The following PDE3A variants were observed in gnomAD, a reference collection of about 807,000 sequenced individuals.
PDE3A encodes the protein cGMP-inhibited 3',5'-cyclic phosphodiesterase 3A.
PDE3A carries 43 observed loss-of-function variants against 98.3 expected under a neutral mutation model. That is an observed-to-expected ratio of 0.44 (90% CI 0.34 to 0.56). The LOEUF (loss-of-function observed/expected upper bound fraction) is 0.56. PDE3A is among the 20% of genes least tolerant of loss of function. PDE3A has a pLI of 0.01. For synonymous variants in PDE3A, 663 were observed against 567.9 expected (o/e 1.17, Z -2.38); for missense variants, 1,427 against 1,440.7 (o/e 0.99, Z 0.15).
rs1487135588 is a variant in PDE3A, at chr12:20,392,545, AAATAAAT to A, written c.960+22304_960+22310del. Among the ~76,000 whole-genome samples the A allele has an allele frequency of 8.4e-4, 117 of 139,884 alleles. 1 individual carries two copies. The highest frequency in any genetic ancestry group is 2.8e-3 in the African/African-American group (107 of 38,696). 91.8% of individuals were successfully genotyped at this position (139,884 alleles called of 152,430 possible). On this transcript the variant is annotated intron_variant, in intron 1 of 15. Transcript: ENST00000359062. ...TAAATAAATAAATACATAAATAAATAAATAAATAAATAAAATCTAGCTGGACATTATG... is the reference window on the plus strand; with the variant it reads ...TAAATAAATAAATACATAAATAAATAAAATAAAATCTAGCTGGACATTATG...
At chr12:20,606,851 C>CAAAAA in intron 2 of PDE3A, among the ~76,000 whole-genome samples, 1 of 74,670 alleles carries the variant, frequency 1.3e-5, no homozygotes, top group South Asian at 4.5e-4. Context: ...AGCTCCATCT[C>CAAAAA]AAAAAAAAAA....
In PDE3A at chr12:20,439,765, T is replaced by C. The variant is rs140646438; in HGVS notation, c.960+69521T>C. On this transcript the variant is annotated intron_variant, in intron 1 of 15. Transcript: ENST00000359062. ...TCTTATTATAACTTTAAAAAGAAAATGGGACACCCTCCTCTCACCCCACCC... is the reference window on the plus strand; with the variant it reads ...TCTTATTATAACTTTAAAAAGAAAACGGGACACCCTCCTCTCACCCCACCC... Among the ~76,000 whole-genome samples, 1,144 of 152,242 alleles carry C rather than the reference T, an allele frequency of 7.5e-3. 7 individuals are homozygous for C. Among genetic ancestry groups the C allele is most frequent in the Non-Finnish European group, 0.012 (797 of 68,008 alleles).
chr12:20,644,864 C>T (rs559713561), intron 10 of PDE3A, among the ~76,000 whole-genome samples: 16 of 144,600 alleles, frequency 1.1e-4, no homozygotes, highest in Non-Finnish European at 1.8e-4. Flanking sequence ...CCTCCTCCCC[C>T]TCTTCCCCCT....
chr12:20,388,443 T>A (rs961143247), intron 1 of PDE3A, among the ~76,000 whole-genome samples: 3 of 152,012 alleles, frequency 2.0e-5, no homozygotes, highest in African/African-American at 7.2e-5. Flanking sequence ...GTTTCAGTTT[T>A]TACCAAGGCT....
At chr12:20,404,336 A>T (rs1944189881) in intron 1 of PDE3A, among the ~76,000 whole-genome samples, 1 of 152,110 alleles carries the variant, frequency 6.6e-6, no homozygotes, top group Non-Finnish European at 1.5e-5. Flanking sequence ...ACTTAATTAT[A>T]ATCTTGGAGA....
chr12:20,499,354 G>A (rs1047246724), intron 1 of PDE3A, among the ~76,000 whole-genome samples: 5 of 152,174 alleles, frequency 3.3e-5, no homozygotes, highest in Non-Finnish European at 7.4e-5. Context: ...AATGGTTAGA[G>A]ATATGCAGTG....
Position 20,681,351 on chromosome 12 carries a change from A to T in PDE3A, c.*1080A>T, listed in dbSNP as rs1267025406. On this transcript the variant is annotated 3_prime_UTR_variant, in exon 16 of 16. Transcript: ENST00000359062. ...GTCTTTTAATCAGGTTAGAATTCTA[A>T]ATGATGCCAGAGAAGGCTTGGGAAA... 1 of 152,212 alleles carries T rather than the reference A, an allele frequency of 6.6e-6. No homozygotes were observed. The highest frequency in any genetic ancestry group is 1.5e-5 in the Non-Finnish European group (1 of 68,030). The allele number at this position is 152,212 out of a possible 1,614,324, so 9.4% of individuals were successfully genotyped here.
chr12:20,548,198 G>C (rs1200200912), intron 1 of PDE3A, among the ~76,000 whole-genome samples: 2 of 152,004 alleles, frequency 1.3e-5, no homozygotes, highest in African/African-American at 4.8e-5. Flanking sequence ...AAATTTAAGG[G>C]TCTTCATTGT....
At chr12:20,648,603 G>GCAATTT (rs1944831433) in intron 12 of PDE3A, 85 bp from the exon 13 acceptor site, 1 of 852,370 alleles carries the variant, frequency 1.2e-6, no homozygotes, top group African/African-American at 1.7e-5. Flanking sequence ...TGAATAAAAA[G>GCAATTT]CAATTTCAAA....
At chr12:20,541,734 A>C (rs1018141600) in intron 1 of PDE3A, among the ~76,000 whole-genome samples, 5 of 152,090 alleles carry the variant, frequency 3.3e-5, no homozygotes, top group African/African-American at 1.2e-4. Context: ...TTTTTCTGCA[A>C]AAAAAGCATT....
chr12:20,425,781 C>T (rs1944593145), intron 1 of PDE3A, among the ~76,000 whole-genome samples: 1 of 152,120 alleles, frequency 6.6e-6, no homozygotes, highest in South Asian at 2.1e-4. Flanking sequence ...ATGCGTATTT[C>T]ACCAAGCATT....
intron 1 of PDE3A, among the ~76,000 whole-genome samples, chr12:20,515,052 G>C (rs35529204): frequency 2.0e-5 from 3 of 151,998 alleles, no homozygotes; most frequent in African/African-American, 7.2e-5. Flanking sequence ...AGAGGGGGCC[G>C]AACTCATCCT....
chr12:20,514,184 G>T (rs538482764), intron 1 of PDE3A, among the ~76,000 whole-genome samples: 4 of 152,164 alleles, frequency 2.6e-5, no homozygotes, highest in Non-Finnish European at 4.4e-5. Context: ...AAATTTGCAA[G>T]GCATAATCAA....
intron 2 of PDE3A, among the ~76,000 whole-genome samples, chr12:20,589,718 A>T (rs1198382624): frequency 6.6e-6 from 1 of 151,874 alleles, no homozygotes; most frequent in African/African-American, 2.4e-5. Context: ...AACACAAAAA[A>T]ATTAGCCAGG....
chr12:20,381,977 A>C (rs977564819), intron 1 of PDE3A, among the ~76,000 whole-genome samples: 2 of 151,904 alleles, frequency 1.3e-5, no homozygotes, highest in African/African-American at 2.4e-5. Context: ...AGATTAATCA[A>C]CCTGCCTTAG....
At chr12:20,662,384 G>C (rs1312733736) in intron 15 of PDE3A, among the ~76,000 whole-genome samples, 3 of 150,876 alleles carry the variant, frequency 2.0e-5, no homozygotes, top group African/African-American at 7.3e-5. Context: ...TTACCCTGCA[G>C]AGCCACAGGG....
intron 4 of PDE3A, among the ~76,000 whole-genome samples, chr12:20,618,426 T>G (rs1286370724): frequency 6.6e-5 from 2 of 30,460 alleles, no homozygotes; most frequent in Non-Finnish European, 1.9e-4. Flanking sequence ...AAAAGAAGAA[T>G]AAGAATGAGA....
chr12:20,375,485 A>G (rs1943553952), intron 1 of PDE3A, among the ~76,000 whole-genome samples: 1 of 151,920 alleles, frequency 6.6e-6, no homozygotes, highest in Non-Finnish European at 1.5e-5. Flanking sequence ...CCTGAGTTGT[A>G]GTTTAGAGGA....
At chr12:20,580,686 C>G (rs1261577551) in intron 2 of PDE3A, among the ~76,000 whole-genome samples, 1 of 152,112 alleles carries the variant, frequency 6.6e-6, no homozygotes, top group African/African-American at 2.4e-5. Context: ...AAAATTGCTA[C>G]AAATTATATT....
Sources: gnomAD v4.1 joint callset for allele counts (sites outside exome capture counted in the v4.1 genomes callset) on GRCh38, gnomAD v4.1.1 for gene constraint, MANE v1.5 for transcripts, NCBI Gene and HGNC (gene_info 2026-07-23, HGNC 2026-07-21) for gene names.